TRDN: variants seen among roughly 807,000 people sequenced by gnomAD.
TRDN encodes the protein triadin in skeletal muscle.
Under a neutral mutation model 149.7 loss-of-function variants are expected in TRDN, and 161 were observed. That is an observed-to-expected ratio of 1.08 (90% CI 0.95 to 1.23). The LOEUF (loss-of-function observed/expected upper bound fraction) is 1.23, where lower values mean the gene tolerates loss of function less well. Ranked by LOEUF, TRDN falls within the 50% of genes most tolerant of loss-of-function variation. The pLI, the probability that TRDN is intolerant of heterozygous loss-of-function variation, is 0.00. For missense variants in TRDN, 896 were observed against 823.5 expected (o/e 1.09, Z -1.08); for synonymous variants, 294 against 250.5 (o/e 1.17, Z -1.64).
chr6:123,261,326 A>T (rs1000972940), intron 33 of TRDN, among the ~76,000 whole-genome samples: 2 of 151,900 alleles, frequency 1.3e-5, no homozygotes, highest in African/African-American at 4.8e-5. Flanking sequence ...GAGTGTGGTC[A>T]TGGGATGAGA....
At chr6:123,427,858 C>CG (rs1456056834) in intron 12 of TRDN, among the ~76,000 whole-genome samples, 1 of 152,112 alleles carries the variant, frequency 6.6e-6, no homozygotes, top group African/African-American at 2.4e-5. Flanking sequence ...TAATTCTTTA[C>CG]TACACATAAT....
chr6:123,312,889 T>C (rs572236782), intron 24 of TRDN, among the ~76,000 whole-genome samples: 1 of 152,022 alleles, frequency 6.6e-6, no homozygotes, highest in African/African-American at 2.4e-5. Flanking sequence ...GTAAATTTTA[T>C]ATCACTAAGC....
intron 32 of TRDN, among the ~76,000 whole-genome samples, chr6:123,267,343 A>C (rs1777049402): frequency 6.6e-6 from 1 of 152,076 alleles, no homozygotes; most frequent in African/African-American, 2.4e-5. Flanking sequence ...TGAAATTCAC[A>C]ATTTGTGAAA....
intron 23 of TRDN, among the ~76,000 whole-genome samples, chr6:123,331,283 G>A (rs1215022819): frequency 6.6e-6 from 1 of 152,032 alleles, no homozygotes; most frequent in South Asian, 2.1e-4. Flanking sequence ...ACAATGGAAA[G>A]GCTAGAGATG....
chr6:123,435,586 G>A (rs1264682526), intron 12 of TRDN, among the ~76,000 whole-genome samples: 1 of 148,360 alleles, frequency 6.7e-6, no homozygotes, highest in Non-Finnish European at 1.5e-5. Flanking sequence ...AGTATTTGGG[G>A]GTTGAGGGAT....
chr6:123,252,511 A>G, intron 37 of TRDN, 76 bp from the exon 38 acceptor site: 1 of 744,394 alleles, frequency 1.3e-6, no homozygotes, highest in Admixed American at 2.8e-5. Context: ...GGACTTTATA[A>G]AAATATCTAA....
intron 5 of TRDN, among the ~76,000 whole-genome samples, chr6:123,518,515 T>G (rs1779518688): frequency 6.6e-6 from 1 of 152,188 alleles, no homozygotes; most frequent in South Asian, 2.1e-4. Flanking sequence ...CTGTAAGGAA[T>G]GAGGACTCAC....
chr6:123,306,055 G>A (rs765903810), intron 24 of TRDN, among the ~76,000 whole-genome samples: 25 of 152,038 alleles, frequency 1.6e-4, no homozygotes, highest in Non-Finnish European at 2.6e-4. Flanking sequence ...GTTTACTGAC[G>A]GTTTTTTGTA....
intron 12 of TRDN, among the ~76,000 whole-genome samples, chr6:123,433,162 AAT>A (rs1554236915): frequency 1.3e-3 from 104 of 80,022 alleles, no homozygotes; most frequent in African/African-American, 4.3e-3. Context: ...ATATATATAT[AAT>A]ATATATATAT....
At position 123,548,596 on chromosome 6, in the gene TRDN, C is replaced by G; in HGVS notation, c.249G>C (p.Lys83Asn). The G allele has an allele frequency of 3.4e-6, 5 of 1,463,320 alleles. No individual in the cohort carries two copies. The highest frequency in any genetic ancestry group is 3.6e-6 in the Non-Finnish European group (4 of 1,106,916). The allele number at this position is 1,463,320 out of a possible 1,614,324, so 90.6% of individuals were successfully genotyped here. Residue 83 changes from lysine (K) to asparagine (N), a missense_variant, in exon 3 of 41, where the codon AAG becomes AAC. Transcript: ENST00000334268. ...YKNFSASSIAKIGSDPLKLVR... is the reference protein window; with the variant it reads ...YKNFSASSIANIGSDPLKLVR... ...CCAGTTTTAAAGGATCTGAGCCAAT[C>G]TTGGCAATAGAGCTTGCTAAAAGTA...
chr6:123,448,820 C>A (rs1775568064), intron 10 of TRDN, among the ~76,000 whole-genome samples: 1 of 152,122 alleles, frequency 6.6e-6, no homozygotes, highest in Non-Finnish European at 1.5e-5. Flanking sequence ...GAGTCCATTG[C>A]ACTCCCCTGC....
chr6:123,227,411 G>A (rs1367373823), intron 38 of TRDN, among the ~76,000 whole-genome samples: 1 of 151,824 alleles, frequency 6.6e-6, no homozygotes, highest in Non-Finnish European at 1.5e-5. Context: ...AAGTCCCTAG[G>A]GGACACTGAT....
chr6:123,516,007 C>T (rs931600375), intron 6 of TRDN, 134 bp downstream of exon 6: 3 of 1,025,702 alleles, frequency 2.9e-6, no homozygotes, highest in Non-Finnish European at 3.8e-6. Flanking sequence ...TTCCTTTTTT[C>T]AGATTCTATT....
In TRDN at chr6:123,234,020, T is replaced by A. The variant is rs1010307122; in HGVS notation, c.1976-9889A>T. Among the ~76,000 whole-genome samples, 35 of 152,192 alleles carry A rather than the reference T, an allele frequency of 2.3e-4. 1 individual carries two copies. The highest frequency in any genetic ancestry group is 8.2e-4 in the African/African-American group (34 of 41,536). On this transcript the variant is annotated intron_variant, in intron 38 of 40. Coordinates refer to ENST00000334268, the MANE Select transcript of TRDN (RefSeq NM_006073.4). ...CTACCCAAAATTTCTATGAGATGAA[T>A]ATTATTATTCAAAATTTAAAAATAA...
At chr6:123,322,964 T>C (rs954781711) in intron 23 of TRDN, among the ~76,000 whole-genome samples, 1 of 152,092 alleles carries the variant, frequency 6.6e-6, no homozygotes, top group Non-Finnish European at 1.5e-5. Context: ...CACTGTCTTG[T>C]GAGATCTTTG....
At chr6:123,596,973 A>T (rs1258320496) in intron 1 of TRDN, among the ~76,000 whole-genome samples, 2 of 152,094 alleles carry the variant, frequency 1.3e-5, no homozygotes, top group African/African-American at 4.8e-5. Context: ...CCCATGGATC[A>T]AAGAGTAATT....
chr6:123,591,760 C>A (rs1783796204), intron 1 of TRDN, among the ~76,000 whole-genome samples: 1 of 152,202 alleles, frequency 6.6e-6, no homozygotes, highest in South Asian at 2.1e-4. Context: ...GCTTCCTGTG[C>A]CTTTCAAAGG....
rs1776902434 is a variant in TRDN, at chr6:123,265,306, T to A, written c.1804+12A>T. ...ATAGGACAATTTTAAAATTCTAAAA[T>A]GGTACACTTACTTGGAGTTGGTTTT... On this transcript the variant is annotated intron_variant, in intron 33 of 40. Coordinates refer to ENST00000334268, the MANE Select transcript of TRDN (RefSeq NM_006073.4). 2.1e-6 allele frequency: 3 copies of A among 1,410,224 alleles called. 1 individual carries two copies. Among genetic ancestry groups the A allele is most frequent in the African/African-American group, 3.0e-5 (2 of 67,326 alleles). The allele number at this position is 1,410,224 out of a possible 1,614,324, so 87.4% of individuals were successfully genotyped here.
At chr6:123,623,173 T>C (rs995288269) in intron 1 of TRDN, among the ~76,000 whole-genome samples, 8 of 150,508 alleles carry the variant, frequency 5.3e-5, no homozygotes, top group African/African-American at 2.0e-4. Context: ...GGTTATTGTC[T>C]TTTTTTTTCC....
Sources: gnomAD v4.1 joint callset for allele counts (sites outside exome capture counted in the v4.1 genomes callset) on GRCh38, gnomAD v4.1.1 for gene constraint, MANE v1.5 for transcripts, NCBI Gene and HGNC (gene_info 2026-07-23, HGNC 2026-07-21) for gene names.